The following SPTA1 variants were observed in gnomAD, a reference collection of about 807,000 sequenced individuals.
SPTA1 encodes spectrin alpha, erythrocytic 1.
SPTA1 carries 177 observed loss-of-function variants against 324.7 expected under a neutral mutation model. That is an observed-to-expected ratio of 0.55 (90% CI 0.48 to 0.62). SPTA1 has a LOEUF of 0.62. Ranked by LOEUF, SPTA1 falls within the 20% of genes least tolerant of loss-of-function variation. The pLI, the probability that SPTA1 is intolerant of heterozygous loss-of-function variation, is 0.00. For missense variants in SPTA1, 3,162 were observed against 2,883.6 expected (o/e 1.10, Z -2.21); for synonymous variants, 1,195 against 1,041.3 (o/e 1.15, Z -2.84).
chr1:158,623,121 T>C lies in SPTA1; in HGVS notation c.5982A>G (p.Lys1994=), dbSNP rs1055414769. ...RLPEITDLKD[K]LISAQHNQSK... is the part of the protein sequence containing the mutation. Reference sequence around the variant, plus strand: ...ACTGGTTGTGTTGAGCAGAAATCAGTTTGTCCTTCAGGTCAGTGATCTCGG... The same window carrying C: ...ACTGGTTGTGTTGAGCAGAAATCAGCTTGTCCTTCAGGTCAGTGATCTCGG... Residue 1994 remains lysine (K), a synonymous_variant, in exon 43 of 52, where the codon AAA becomes AAG. Transcript: ENST00000643759. 7.4e-6 allele frequency: 12 copies of C among 1,614,050 alleles called. No individual in the cohort carries two copies. In the African/African-American group the frequency reaches 1.1e-4, roughly 14 times the overall value.
intron 21 of SPTA1, 121 bp from the exon 22 acceptor site, chr1:158,653,546 G>A (rs1652616662): frequency 1.5e-6 from 2 of 1,290,908 alleles, no homozygotes; most frequent in African/African-American, 2.9e-5. Context: ...AGCTAACCAT[G>A]TCTAATGAGT....
chr1:158,611,427 A>G (rs1188867732), intron 51 of SPTA1, 38 bp from the exon 52 acceptor site: 1 of 1,611,704 alleles, frequency 6.2e-7, no homozygotes. Flanking sequence ...AGTTATAGGG[A>G]TTCAAAATAG....
In SPTA1 at chr1:158,686,541, G is replaced by A. The variant is rs758336210; in HGVS notation, c.-24C>T. ...ATTTTTCCTAAAGGTTTAGAACCTG[G>A]CAAGATAAAATGTGTCAGAGAGAGA... On this transcript the variant is annotated 5_prime_UTR_variant, in exon 1 of 52. Coordinates refer to ENST00000643759, the MANE Select transcript of SPTA1 (RefSeq NM_003126.4). The A allele has an allele frequency of 3.8e-6, 6 of 1,565,158 alleles. No homozygotes were observed. In the African/African-American group the frequency reaches 6.0e-5, roughly 16 times the overall value.
rs546017094 is a variant in SPTA1, at chr1:158,613,770, C to T, written c.6940G>A (p.Glu2314Lys). The change falls in exon 50 of 52, where the codon GAA becomes AAA. Residue 2314 changes from glutamate to lysine, a missense_variant. Physicochemically the swap from Glu to Lys is moderately conservative, Grantham distance 56 (BLOSUM62 1). Transcript: ENST00000643759. ...AACTTCTCAAACTTGGGCTCATGTT[C>T]ATCCTCCTCCACCATGGGCAAGTAG... ...NYYLPMVEED[E>K]HEPKFEKFLD... The T allele has an allele frequency of 6.1e-5, 98 of 1,613,898 alleles. 2 individuals are homozygous for T. In the South Asian group the frequency reaches 1.0e-3, roughly 17 times the overall value.
Position 158,634,694 on chromosome 1 carries a change from C to G in SPTA1, c.5433-19G>C, listed in dbSNP as rs770535272. 80 of 1,613,722 alleles carry G rather than the reference C, an allele frequency of 5.0e-5. No individual in the cohort carries two copies. The highest frequency in any genetic ancestry group is 6.4e-5 in the Non-Finnish European group (76 of 1,179,964). ...AAGTCCTCTATAACAAGGTGGCAAG[C>G]CCCAGTGAGGATAAGAACAAACTGG... On this transcript the variant is annotated intron_variant, in intron 38 of 51. Transcript: ENST00000643759.
rs374336960 is a variant in SPTA1, at chr1:158,623,078, G to A, written c.6025C>T (p.Arg2009Cys). 6.8e-6 allele frequency: 11 copies of A among 1,613,978 alleles called. No individual in the cohort carries two copies. The African/African-American group carries it at 8.0e-5, about 12-fold the overall frequency. ...QHNQSKAIEE[R>C]YAALLKRWEQ... The stretch of plus-strand genomic sequence containing the variant: ...CAGCGCTTCAGCAGAGCGGCATAAC[G>A]CTCTTCAATGGCTTTAGACTGGTTG... Residue 2009 changes from arginine to cysteine, a missense_variant, in exon 43 of 52, where the codon CGT (arginine) becomes TGT (cysteine). By Grantham distance (180) the Arg-to-Cys change is radical (BLOSUM62 -3). Transcript: ENST00000643759.
At chr1:158,612,512 C>T (rs1442627812) in intron 51 of SPTA1, 7 of 384,394 alleles carry the variant, frequency 1.8e-5, no homozygotes, top group Non-Finnish European at 3.0e-5. Flanking sequence ...CTCCTCATGC[C>T]TGGAACATAG....
intron 31 of SPTA1, 108 bp from the exon 32 acceptor site, chr1:158,643,084 T>C (rs1296462910): frequency 4.1e-5 from 59 of 1,453,836 alleles, no homozygotes; most frequent in Non-Finnish European, 5.4e-5. Context: ...TCTTCTCACA[T>C]AGTCTTATTA....
intron 42 of SPTA1, among the ~76,000 whole-genome samples, chr1:158,624,404 C>T (rs149351835): frequency 1.3e-5 from 2 of 152,214 alleles, no homozygotes; most frequent in African/African-American, 4.8e-5. Flanking sequence ...GAGCCCACCC[C>T]TTGCATCAGT....
At chr1:158,629,859 C>A (rs1165430644) in intron 39 of SPTA1, among the ~76,000 whole-genome samples, 1 of 151,738 alleles carries the variant, frequency 6.6e-6, no homozygotes, top group Non-Finnish European at 1.5e-5. Context: ...AAACAATAAA[C>A]TATCTGAAAA....
chr1:158,683,238 AC>A (rs1654931118), intron 3 of SPTA1, 132 bp downstream of exon 3: 1 of 1,279,998 alleles, frequency 7.8e-7, no homozygotes. Flanking sequence ...TTATGCCTCA[AC>A]CCCAGGGGAA....
intron 2 of SPTA1, 139 bp from the exon 3 acceptor site, chr1:158,683,635 C>T: frequency 8.9e-7 from 1 of 1,119,004 alleles, no homozygotes; most frequent in Non-Finnish European, 1.3e-6. Flanking sequence ...CCTGTCCCCA[C>T]TGGCTTTAGG....
intron 45 of SPTA1, among the ~76,000 whole-genome samples, chr1:158,618,383 T>C (rs921174280): frequency 6.6e-6 from 1 of 152,182 alleles, no homozygotes; most frequent in Non-Finnish European, 1.5e-5. Context: ...CTGCCTTCTG[T>C]CAGATGGTTT....
Position 158,651,407 on chromosome 1 carries a change from A to G in SPTA1, c.3437T>C (p.Phe1146Ser), listed in dbSNP as rs200143693. ...DINKVADDLL[F>S]EGLLTPEGAQ... ...TCCTTCTGGTGTTAGAAGTCCTTCAAATAGTAGATCATCAGCTACCTTGTT... is the reference window on the plus strand; with the variant it reads ...TCCTTCTGGTGTTAGAAGTCCTTCAGATAGTAGATCATCAGCTACCTTGTT... The change falls in exon 24 of 52, where the codon TTT becomes TCT. Residue 1146 changes from phenylalanine (F) to serine (S), a missense_variant. Phe to Ser is a radical substitution (Grantham distance 155, BLOSUM62 -2). Transcript: ENST00000643759. 206 of 1,613,858 alleles carry G rather than the reference A, an allele frequency of 1.3e-4. 1 individual carries two copies. The highest frequency in any genetic ancestry group is 1.6e-4 in the Non-Finnish European group (191 of 1,179,914).
chr1:158,657,244 T>A (rs114424332), intron 19 of SPTA1, among the ~76,000 whole-genome samples: 1,945 of 152,346 alleles, frequency 0.013, 40 homozygotes, highest in African/African-American at 0.045. Context: ...TTGATTTAGA[T>A]AATCTCTAAA....
At chr1:158,671,230 A>C (rs1020241177) in intron 12 of SPTA1, 113 bp downstream of exon 12, 9 of 763,342 alleles carry the variant, frequency 1.2e-5, no homozygotes, top group Non-Finnish European at 1.6e-5. Flanking sequence ...ATTAGGGATA[A>C]TCCTCAGGCT....
chr1:158,681,117 T>C (rs1020507534), intron 4 of SPTA1, among the ~76,000 whole-genome samples: 2 of 152,126 alleles, frequency 1.3e-5, no homozygotes, highest in Non-Finnish European at 2.9e-5. Context: ...ATTATTCCTT[T>C]AGTATTTAGA....
intron 18 of SPTA1, among the ~76,000 whole-genome samples, 160 bp from the exon 19 acceptor site, chr1:158,657,854 T>A (rs949840190): frequency 1.3e-5 from 2 of 152,222 alleles, no homozygotes; most frequent in African/African-American, 4.8e-5. Flanking sequence ...TGAAATATCC[T>A]AAGTGAGATT....
In SPTA1 at chr1:158,619,329, C is replaced by T. The variant is rs772806680; in HGVS notation, c.6423G>A (p.Arg2141=). 8.7e-6 allele frequency: 14 copies of T among 1,613,994 alleles called. No individual in the cohort carries two copies. Among genetic ancestry groups the T allele is most frequent in the African/African-American group, 2.7e-5 (2 of 74,930 alleles). Residue 2141 remains arginine (R), a synonymous_variant, in exon 45 of 52, where the codon CGG becomes CGA. Coordinates refer to ENST00000643759, the MANE Select transcript of SPTA1 (RefSeq NM_003126.4). The stretch of plus-strand genomic sequence containing the variant: ...CCTCTTCCTTTTGCAGCTCCTGCTC[C>T]CGTTCCTAAAACCCCAAATCACAGA... ...WKHLSDIIEE[R]EQELQKEEAR...
Sources: allele counts gnomAD v4.1 joint callset (sites outside exome capture counted in the v4.1 genomes callset), GRCh38; gene constraint gnomAD v4.1.1; transcripts MANE v1.5; gene names NCBI Gene and HGNC (gene_info 2026-07-23, HGNC 2026-07-21).